USP12: variants seen among roughly 807,000 people sequenced by gnomAD.
USP12 encodes the protein ubiquitin specific peptidase 12.
Under a neutral mutation model 45.5 loss-of-function variants are expected in USP12, and 19 were observed. That is an observed-to-expected ratio of 0.42 (90% CI 0.29 to 0.61). The LOEUF (loss-of-function observed/expected upper bound fraction) is 0.61. USP12 is among the 20% of genes least tolerant of loss of function. The pLI, the probability that USP12 is intolerant of heterozygous loss-of-function variation, is 0.22. For missense variants in USP12, 242 were observed against 447.7 expected (o/e 0.54, Z 4.15); for synonymous variants, 149 against 148.8 (o/e 1.00, Z -0.01).
At chr13:27,118,897 T>C (rs1012005136) in intron 1 of USP12, among the ~76,000 whole-genome samples, 3 of 152,224 alleles carry the variant, frequency 2.0e-5, no homozygotes, top group Admixed American at 2.0e-4. Flanking sequence ...TGTCACCATA[T>C]GTACCACATA....
chr13:27,072,799 G>A (rs556654366), intron 7 of USP12, among the ~76,000 whole-genome samples: 19 of 152,254 alleles, frequency 1.2e-4, no homozygotes, highest in African/African-American at 4.6e-4. Flanking sequence ...TCTCTTCTAG[G>A]CTGGGCACCG....
chr13:27,156,363 A>C (rs1416663733), intron 1 of USP12, among the ~76,000 whole-genome samples: 1 of 152,246 alleles, frequency 6.6e-6, no homozygotes, highest in African/African-American at 2.4e-5. Flanking sequence ...GCTATGTGAC[A>C]ATCTGATTTC....
intron 1 of USP12, among the ~76,000 whole-genome samples, chr13:27,152,058 A>T (rs1877591630): frequency 6.6e-6 from 1 of 152,216 alleles, no homozygotes; most frequent in Admixed American, 6.5e-5. Flanking sequence ...GTTGGCAGGA[A>T]CATAAAATGG....
chr13:27,113,884 C>G (rs1022362227), intron 2 of USP12, among the ~76,000 whole-genome samples: 1 of 152,116 alleles, frequency 6.6e-6, no homozygotes, highest in Non-Finnish European at 1.5e-5. Flanking sequence ...AGACATTTGC[C>G]TAATGAACTT....
intron 6 of USP12, among the ~76,000 whole-genome samples, chr13:27,082,880 G>C (rs1873828203): frequency 6.6e-6 from 1 of 152,242 alleles, no homozygotes; most frequent in Non-Finnish European, 1.5e-5. Flanking sequence ...TTGTTGCCCA[G>C]GCTGGAGTGC....
rs910274856 is a variant in USP12 at position 27,126,268 on chromosome 13, T to A, written c.49-9672A>T. ...AGGCTGGTGCCCCCTGGGACAAAGC[T>A]TCCAGAGGAAGGATCAGGCAGCAAT... On this transcript the variant is annotated intron_variant, in intron 1 of 8. Coordinates refer to ENST00000282344, the MANE Select transcript of USP12 (RefSeq NM_182488.4). 1.9e-4 allele frequency among the ~76,000 whole-genome samples: 29 copies of A among 152,300 alleles called. 1 individual carries two copies. Among genetic ancestry groups the A allele is most frequent in the Middle Eastern group, 3.4e-3 (1 of 294 alleles).
intron 3 of USP12, among the ~76,000 whole-genome samples, chr13:27,098,403 T>A (rs751857721): frequency 6.6e-6 from 1 of 152,004 alleles, no homozygotes; most frequent in Non-Finnish European, 1.5e-5. Context: ...AAAAAAATTT[T>A]AAAAACTGGC....
chr13:27,151,541 G>A (rs561808361), intron 1 of USP12, among the ~76,000 whole-genome samples: 23 of 152,146 alleles, frequency 1.5e-4, no homozygotes, highest in Admixed American at 9.2e-4. Flanking sequence ...CAGTGCTTTC[G>A]GAGGACTAGG....
chr13:27,112,086 A>C (rs1226305003), intron 2 of USP12, among the ~76,000 whole-genome samples: 3 of 152,180 alleles, frequency 2.0e-5, no homozygotes, highest in Non-Finnish European at 4.4e-5. Context: ...GAAGCACATA[A>C]GATCTGAAAC....
intron 6 of USP12, among the ~76,000 whole-genome samples, chr13:27,085,034 A>G (rs912191628): frequency 6.6e-6 from 1 of 152,052 alleles, no homozygotes; most frequent in Non-Finnish European, 1.5e-5. Flanking sequence ...ATGTGTTTCT[A>G]TTTATTTGTG....
chr13:27,090,822 TC>T (rs1874276448), intron 4 of USP12, among the ~76,000 whole-genome samples: 1 of 152,184 alleles, frequency 6.6e-6, no homozygotes, highest in Non-Finnish European at 1.5e-5. Flanking sequence ...GCAAATGCTT[TC>T]CCATTTTAAT....
chr13:27,114,769 T>TTA (rs1491359767), intron 2 of USP12, among the ~76,000 whole-genome samples: 2 of 142,724 alleles, frequency 1.4e-5, no homozygotes, highest in African/African-American at 5.1e-5. Context: ...TCTCCATTTT[T>TTA]AAAAAAAAAA....
intron 6 of USP12, among the ~76,000 whole-genome samples, chr13:27,075,727 G>A (rs534792863): frequency 6.6e-6 from 1 of 152,180 alleles, no homozygotes; most frequent in East Asian, 1.9e-4. Flanking sequence ...TGCACGGGGT[G>A]CTCAAGAGTG....
chr13:27,123,965 G>A (rs554051896), intron 1 of USP12, among the ~76,000 whole-genome samples: 1 of 152,080 alleles, frequency 6.6e-6, no homozygotes, highest in African/African-American at 2.4e-5. Flanking sequence ...ATAATAATAG[G>A]TTGAAATTAC....
chr13:27,141,619 C>CAAT (rs909152757), intron 1 of USP12, among the ~76,000 whole-genome samples: 2 of 151,990 alleles, frequency 1.3e-5, no homozygotes, highest in Non-Finnish European at 2.9e-5. Context: ...GTATCAAAAT[C>CAAT]AATAATAATA....
In USP12 at chr13:27,067,706, A is replaced by G. The variant is rs1182472022; in HGVS notation, c.*1577T>C. On this transcript the variant is annotated 3_prime_UTR_variant, in exon 9 of 9. Coordinates refer to ENST00000282344, the MANE Select transcript of USP12 (RefSeq NM_182488.4). ...CTTTTTGTTGTTTTCCATAGTCAAC[A>G]GTTTTAGCAAAAGGACTTTAGAAAA... 2.0e-5 allele frequency: 3 copies of G among 152,212 alleles called. No homozygotes were observed. Among genetic ancestry groups the G allele is most frequent in the Admixed American group, 2.0e-4 (3 of 15,274 alleles). 9.4% of individuals were successfully genotyped at this position (152,212 alleles called of 1,614,324 possible).
chr13:27,138,712 AT>A (rs1303168405), intron 1 of USP12, among the ~76,000 whole-genome samples: 2 of 151,888 alleles, frequency 1.3e-5, no homozygotes, highest in Non-Finnish European at 2.9e-5. Flanking sequence ...TTTACCTACA[AT>A]TTTTTTCGTA....
chr13:27,080,470 T>C (rs1873698868), intron 6 of USP12, among the ~76,000 whole-genome samples: 1 of 152,196 alleles, frequency 6.6e-6, no homozygotes, highest in South Asian at 2.1e-4. Context: ...GCCATGACAA[T>C]GTGATGCTGA....
In USP12 at chr13:27,129,326, T is replaced by C. The variant is rs1271708402; in HGVS notation, c.49-12730A>G. Among the ~76,000 whole-genome samples, 1 of 152,192 alleles carries C rather than the reference T, an allele frequency of 6.6e-6. No individual in the cohort carries two copies. Among genetic ancestry groups the C allele is most frequent in the Non-Finnish European group, 1.5e-5 (1 of 68,040 alleles). ...GTTCTCTCTTACCATTTTCCAGCTA[T>C]AAAACTGTGGAAGAACTGAAAACAA... On this transcript the variant is annotated intron_variant, in intron 1 of 8. Coordinates refer to ENST00000282344, the MANE Select transcript of USP12 (RefSeq NM_182488.4). The surrounding 1 kb of genome is among the most constrained non-coding windows in gnomAD (Gnocchi z 4.0).
Sources: allele counts gnomAD v4.1 joint callset (sites outside exome capture counted in the v4.1 genomes callset), GRCh38; gene constraint gnomAD v4.1.1; non-coding constraint Gnocchi (gnomAD v3.1); transcripts MANE v1.5; gene names NCBI Gene and HGNC (gene_info 2026-07-23, HGNC 2026-07-21).